The following TRPM3 variants were observed in gnomAD, a reference collection of about 807,000 sequenced individuals.
TRPM3 encodes the protein transient receptor potential cation channel subfamily M member 3.
Under a neutral mutation model 181.2 loss-of-function variants are expected in TRPM3, and 77 were observed. The ratio of observed to expected loss-of-function variants is 0.42; its 90% confidence interval spans 0.35 to 0.51. The LOEUF is 0.51. TRPM3 is among the 20% of genes least tolerant of loss of function. The pLI is 0.01. For synonymous variants in TRPM3, 745 were observed against 796.4 expected, an observed-to-expected ratio of 0.94 and a Z score of 1.09; for missense variants, 1,759 against 2,196.7, an observed-to-expected ratio of 0.80 and a Z score of 3.98.
At chr9:71,224,453 C>A (rs2080450546) in intron 1 of TRPM3, among the ~76,000 whole-genome samples, 1 of 152,140 alleles carries the variant, frequency 6.6e-6, no homozygotes, top group Non-Finnish European at 1.5e-5. Flanking sequence ...GCTCATACTG[C>A]AAAAACTACA....
At chr9:71,166,369 C>T (rs529176099) in intron 1 of TRPM3, among the ~76,000 whole-genome samples, 7 of 152,082 alleles carry the variant, frequency 4.6e-5, no homozygotes, top group African/African-American at 9.7e-5. Context: ...TCTTCTTCCA[C>T]GACTTCTGTC....
chr9:71,208,548 G>A (rs1394307), intron 1 of TRPM3, among the ~76,000 whole-genome samples: 65,273 of 151,904 alleles, frequency 0.43, 14,422 homozygotes, highest in East Asian at 0.52. Flanking sequence ...TTTGGTTTGC[G>A]TTAATTAACA....
At chr9:70,660,160 A>G (rs1160475094) in intron 9 of TRPM3, among the ~76,000 whole-genome samples, 2 of 152,168 alleles carry the variant, frequency 1.3e-5, no homozygotes, top group Non-Finnish European at 2.9e-5. Context: ...AAAAGATTTT[A>G]AAAAAGAAAA....
chr9:70,738,900 A>G (rs755555006), intron 8 of TRPM3, among the ~76,000 whole-genome samples: 17 of 152,270 alleles, frequency 1.1e-4, no homozygotes, highest in African/African-American at 3.6e-4. Context: ...ATTTCTGAAA[A>G]TATACAGCAC....
chr9:70,651,250 A>G (rs569745876), intron 9 of TRPM3, among the ~76,000 whole-genome samples: 102 of 152,336 alleles, frequency 6.7e-4, no homozygotes, highest in Admixed American at 1.4e-3. Flanking sequence ...ATTTTTATAA[A>G]GAGTATTATT....
intron 14 of TRPM3, among the ~76,000 whole-genome samples, chr9:70,621,796 T>C (rs1361926699): frequency 6.6e-6 from 1 of 152,184 alleles, no homozygotes; most frequent in Non-Finnish European, 1.5e-5. Context: ...GAATTTTGGA[T>C]TCGGTGATTT....
At chr9:71,123,085 A>G (rs1289788880), upstream of TRPM3, among the ~76,000 whole-genome samples, 2 of 152,190 alleles carry the variant, frequency 1.3e-5, no homozygotes, top group African/African-American at 4.8e-5. Flanking sequence ...TAACAAGTCT[A>G]ACATACTAGT....
At position 70,580,482 on chromosome 9, in the gene TRPM3, C is replaced by T. The variant is rs56321863; in HGVS notation, c.3223+10549G>A. The stretch of plus-strand genomic sequence containing the variant: ...TAAGGGATACACACAAGAAATCAGA[C>T]AAAAACAATATGGTGTCCACATCAA... On this transcript the variant is annotated intron_variant, in intron 22 of 25. Coordinates refer to ENST00000677713, the MANE Select transcript of TRPM3 (RefSeq NM_001366145.2). 2.7e-3 allele frequency among the ~76,000 whole-genome samples: 408 copies of T among 152,258 alleles called. 2 individuals are homozygous for T. The highest frequency in any genetic ancestry group is 3.8e-3 in the Non-Finnish European group (261 of 68,008).
intron 8 of TRPM3, among the ~76,000 whole-genome samples, chr9:70,687,013 G>T (rs886123843): frequency 1.3e-5 from 2 of 151,494 alleles, no homozygotes; most frequent in Non-Finnish European, 2.9e-5. Flanking sequence ...TAGAGACAGG[G>T]TTTCACCCCG....
intron 1 of TRPM3, among the ~76,000 whole-genome samples, chr9:71,176,655 T>C (rs2077118649): frequency 6.6e-6 from 1 of 152,082 alleles, no homozygotes; most frequent in Non-Finnish European, 1.5e-5. Flanking sequence ...GTCCTAGGCC[T>C]TCACATTCAC....
At chr9:70,842,874 A>G (rs1263859473) in intron 5 of TRPM3, 129 bp downstream of exon 5, 3 of 844,406 alleles carry the variant, frequency 3.6e-6, no homozygotes, top group Non-Finnish European at 3.5e-6. Context: ...ATTCCTTAAC[A>G]TGTTTCATTT....
At chr9:71,113,446 G>A (rs1040372066) in intron 1 of TRPM3, among the ~76,000 whole-genome samples, 4 of 152,154 alleles carry the variant, frequency 2.6e-5, no homozygotes, top group Admixed American at 6.5e-5. Context: ...GAGCTTGCTT[G>A]ATTCAGCAAT....
At chr9:70,883,398 G>A (rs902713172) in intron 1 of TRPM3, among the ~76,000 whole-genome samples, 2 of 152,194 alleles carry the variant, frequency 1.3e-5, no homozygotes, top group African/African-American at 4.8e-5. Flanking sequence ...GTTCCAAATA[G>A]GCAACTACAC....
chr9:70,910,379 G>A (rs1008892364), intron 1 of TRPM3, among the ~76,000 whole-genome samples: 1 of 152,036 alleles, frequency 6.6e-6, no homozygotes, highest in African/African-American at 2.4e-5. Context: ...GATTATTTTG[G>A]GGGAGGAGGC....
chr9:71,313,804 T>C (rs1245432751), intron 1 of TRPM3, among the ~76,000 whole-genome samples: 1 of 152,156 alleles, frequency 6.6e-6, no homozygotes, highest in African/African-American at 2.4e-5. Context: ...TCTTTTTCTT[T>C]TTCATCATGG....
intron 8 of TRPM3, among the ~76,000 whole-genome samples, chr9:70,737,720 T>C (rs1010599172): frequency 1.3e-4 from 20 of 150,884 alleles, no homozygotes; most frequent in Non-Finnish European, 2.5e-4. Flanking sequence ...AAGGAATAGC[T>C]ATTCTTATAT....
chr9:71,059,665 A>T (rs79578977), intron 1 of TRPM3, among the ~76,000 whole-genome samples: 2,584 of 152,218 alleles, frequency 0.017, 42 homozygotes, highest in South Asian at 0.036. Context: ...AATCAAGTGA[A>T]GGCCTTCAAA....
chr9:71,202,278 G>T (rs1228663309), intron 1 of TRPM3, among the ~76,000 whole-genome samples: 1 of 150,678 alleles, frequency 6.6e-6, no homozygotes, highest in African/African-American at 2.5e-5. Context: ...CGGGGGTCAG[G>T]GGTCAGGGAC....
At chr9:71,438,284 T>C (rs1288284579) in intron 1 of TRPM3, among the ~76,000 whole-genome samples, 1 of 152,214 alleles carries the variant, frequency 6.6e-6, no homozygotes, top group African/African-American at 2.4e-5. Flanking sequence ...AACAGAATTA[T>C]GAGATAATCA....
Sources: allele counts gnomAD v4.1 joint callset (sites outside exome capture counted in the v4.1 genomes callset), GRCh38; gene constraint gnomAD v4.1.1; transcripts MANE v1.5; gene names NCBI Gene and HGNC (gene_info 2026-07-23, HGNC 2026-07-21).